SPATS2: variants seen among roughly 807,000 people sequenced by gnomAD.
SPATS2 encodes spermatogenesis-associated serine-rich protein 2.
In SPATS2, 38 loss-of-function variants were observed where a neutral mutation model predicts 63.7. That is an observed-to-expected ratio of 0.60 (90% CI 0.46 to 0.78). SPATS2 has a LOEUF of 0.78. SPATS2 is among the 30% of genes least tolerant of loss of function. SPATS2 has a pLI of 0.00. For synonymous variants in SPATS2, 207 were observed against 232.9 expected, an observed-to-expected ratio of 0.89 and a Z score of 1.01; for missense variants, 588 against 666.2, an observed-to-expected ratio of 0.88 and a Z score of 1.29.
chr12:49,450,131 C>T (rs1286921815), intron 2 of SPATS2, among the ~76,000 whole-genome samples: 1 of 151,846 alleles, frequency 6.6e-6, no homozygotes, highest in African/African-American at 2.4e-5. Context: ...CTTTTACTTT[C>T]AATCTCTCTG....
intron 8 of SPATS2, among the ~76,000 whole-genome samples, chr12:49,498,630 T>G (rs548350798): frequency 6.6e-6 from 1 of 152,302 alleles, no homozygotes; most frequent in African/African-American, 2.4e-5. Flanking sequence ...TATTCATCTT[T>G]TGTTAACAGT....
At chr12:49,482,692 T>C (rs1946226655) in intron 3 of SPATS2, among the ~76,000 whole-genome samples, 1 of 152,362 alleles carries the variant, frequency 6.6e-6, no homozygotes, top group South Asian at 2.1e-4. Flanking sequence ...ATAGCTGCTT[T>C]ATATATTTTT....
chr12:49,491,789 T>C (rs1314367763), intron 6 of SPATS2, among the ~76,000 whole-genome samples: 3 of 152,238 alleles, frequency 2.0e-5, no homozygotes, highest in Non-Finnish European at 4.4e-5. Context: ...CCTTTCTCCT[T>C]ATTTACTTAA....
intron 2 of SPATS2, among the ~76,000 whole-genome samples, chr12:49,409,712 C>T (rs1451746131): frequency 1.3e-5 from 2 of 149,084 alleles, no homozygotes. Context: ...AAGCAATTCT[C>T]CTGCCTCAGC....
intron 2 of SPATS2, among the ~76,000 whole-genome samples, chr12:49,392,161 T>C (rs1816746911): frequency 6.6e-6 from 1 of 152,166 alleles, no homozygotes; most frequent in South Asian, 2.1e-4. Flanking sequence ...ACAAGTTGGG[T>C]TAACTTATTC....
chr12:49,414,630 G>A (rs914658387), intron 2 of SPATS2, among the ~76,000 whole-genome samples: 1 of 151,914 alleles, frequency 6.6e-6, no homozygotes, highest in Non-Finnish European at 1.5e-5. Context: ...TTTGAGACAG[G>A]TTCTTGCTCT....
chr12:49,478,838 T>G (rs1272664685), intron 3 of SPATS2, among the ~76,000 whole-genome samples: 1 of 152,186 alleles, frequency 6.6e-6, no homozygotes, highest in Non-Finnish European at 1.5e-5. Flanking sequence ...TGAGTTCTTG[T>G]CCTGCATCCA....
In SPATS2 at chr12:49,490,406, A is replaced by G. The variant is rs139107393; in HGVS notation, c.215-276A>G. 6.7e-4 allele frequency: 263 copies of G among 394,044 alleles called. 1 individual carries two copies. The East Asian group carries it at 6.7e-3, about 10-fold the overall frequency. The allele number at this position is 394,044 out of a possible 1,614,324, so 24.4% of individuals were successfully genotyped here. A position where few individuals can be genotyped will look rare whatever the true frequency, so the allele number is the denominator to read the frequency against. On this transcript the variant is annotated intron_variant, in intron 5 of 13. Coordinates refer to ENST00000552918, the MANE Select transcript of SPATS2 (RefSeq NM_023071.4). ...ATTTGGTCTAAGATGTATGGATAAG[A>G]GAATCTTCAAAATGGCCCAGCTACA...
At position 49,493,940 on chromosome 12, in the gene SPATS2, G is replaced by A. The variant is rs375049229; in HGVS notation, c.265-801G>A. Among the ~76,000 whole-genome samples, 73 of 152,240 alleles carry A rather than the reference G, an allele frequency of 4.8e-4. No individual in the cohort carries two copies. The South Asian group carries it at 0.012, about 26-fold the overall frequency. ...GTTTTTATGGATACATAGTCATCCT[G>A]CTGTTTAGACGTGCCACAATTTATT... is the stretch of plus-strand genomic sequence containing the variant. On this transcript the variant is annotated intron_variant, in intron 6 of 13. Transcript: ENST00000552918.
intron 2 of SPATS2, chr12:49,454,209 C>T (rs1420912273): frequency 6.6e-6 from 1 of 152,260 alleles, no homozygotes; most frequent in Non-Finnish European, 1.5e-5. Flanking sequence ...CGAACTTCCA[C>T]CCTTCTTTGT....
At chr12:49,409,874 A>T (rs1565708093) in intron 2 of SPATS2, among the ~76,000 whole-genome samples, 1 of 151,998 alleles carries the variant, frequency 6.6e-6, no homozygotes, top group African/African-American at 2.4e-5. Context: ...AAGTGGTAGG[A>T]TTACAGGCAT....
In SPATS2 at chr12:49,371,952, GTT is replaced by G. The variant is rs55899804; in HGVS notation, c.-244+677_-244+678del. 1.5e-3 allele frequency among the ~76,000 whole-genome samples: 214 copies of G among 138,232 alleles called. 1 individual carries two copies. The highest frequency in any genetic ancestry group is 1.9e-3 in the Admixed American group (27 of 13,984). 90.7% of individuals were successfully genotyped at this position (138,232 alleles called of 152,430 possible). A position where few individuals can be genotyped will look rare whatever the true frequency, so the allele number is the denominator to read the frequency against. On this transcript the variant is annotated intron_variant, in intron 2 of 13. Transcript: ENST00000552918. The stretch of plus-strand genomic sequence containing the variant: ...CCAAACTATATCGCCCTCCTTTCAG[GTT>G]TTTTTTTTTTTTTTCTATTTACACA...
intron 2 of SPATS2, among the ~76,000 whole-genome samples, chr12:49,441,191 G>A (rs987813068): frequency 6.6e-6 from 1 of 152,046 alleles, no homozygotes; most frequent in Non-Finnish European, 1.5e-5. Flanking sequence ...CCTTCTTACT[G>A]CTACATTCCT....
Position 49,479,830 on chromosome 12 carries a change from C to T in SPATS2, c.26-4760C>T, listed in dbSNP as rs148047912. Among the ~76,000 whole-genome samples, 127 of 152,326 alleles carry T rather than the reference C, an allele frequency of 8.3e-4. 1 individual carries two copies. Among genetic ancestry groups the T allele is most frequent in the African/African-American group, 2.8e-3 (117 of 41,562 alleles). ...AGAAGAAAGGCTATATATCAAGGTA[C>T]TGTTAAAATAATGGCAACTTGAGAA... On this transcript the variant is annotated intron_variant, in intron 3 of 13. Coordinates refer to ENST00000552918, the MANE Select transcript of SPATS2 (RefSeq NM_023071.4).
At chr12:49,426,254 G>T (rs1945073976) in intron 2 of SPATS2, among the ~76,000 whole-genome samples, 1 of 151,668 alleles carries the variant, frequency 6.6e-6, no homozygotes, top group South Asian at 2.1e-4. Context: ...ATCCTTAAGG[G>T]TACAACGTAA....
chr12:49,497,342 T>C (rs1246139937), intron 8 of SPATS2, among the ~76,000 whole-genome samples: 1 of 152,172 alleles, frequency 6.6e-6, no homozygotes, highest in Admixed American at 6.6e-5. Flanking sequence ...CTTTCATTTT[T>C]ATCTTCTGGT....
At chr12:49,386,632 C>G (rs919192139) in intron 2 of SPATS2, among the ~76,000 whole-genome samples, 1 of 152,052 alleles carries the variant, frequency 6.6e-6, no homozygotes, top group Admixed American at 6.6e-5. Flanking sequence ...CCTGTGTATG[C>G]AAGGGAGTGG....
chr12:49,370,562 C>T (rs541277519), intron 1 of SPATS2, among the ~76,000 whole-genome samples: 32 of 152,332 alleles, frequency 2.1e-4, no homozygotes, highest in African/African-American at 7.7e-4. Flanking sequence ...TCACTTTCAA[C>T]GAAGTCATCT....
At chr12:49,449,141 T>C (rs1265091239) in intron 2 of SPATS2, among the ~76,000 whole-genome samples, 1 of 152,266 alleles carries the variant, frequency 6.6e-6, no homozygotes, top group East Asian at 1.9e-4. Context: ...TCTGGCTGTG[T>C]TTGAAGAGAA....
Sources: allele counts gnomAD v4.1 joint callset (sites outside exome capture counted in the v4.1 genomes callset), GRCh38; gene constraint gnomAD v4.1.1; transcripts MANE v1.5; gene names NCBI Gene and HGNC (gene_info 2026-07-23, HGNC 2026-07-21).